Variants in CCDC88A observed in about 807,000 individuals in gnomAD.
The protein encoded by CCDC88A is girdin.
Under a neutral mutation model 234.3 loss-of-function variants are expected in CCDC88A, and 54 were observed. The observed-to-expected ratio is 0.23, with a 90% CI of 0.19 to 0.29. The LOEUF (loss-of-function observed/expected upper bound fraction) is 0.29. Among genes scored for constraint, CCDC88A ranks in the 10% least tolerant of loss-of-function variants. The probability of loss-of-function intolerance (pLI) is 1.00; values close to 1 mark genes in which losing one functional copy is unlikely to be tolerated. For synonymous variants in CCDC88A, 753 were observed against 737.8 expected, an observed-to-expected ratio of 1.02 and a Z score of -0.33; for missense variants, 1,832 against 2,123.4, an observed-to-expected ratio of 0.86 and a Z score of 2.70.
In CCDC88A at chr2:55,294,991, G is replaced by T. The variant is rs964526311; in HGVS notation, c.5551+606C>A. ...CTAGCCAAATGATATTTTGTTAACA[G>T]CAACTTTTCAAATCATATTAGAGAA... On this transcript the variant is annotated intron_variant, in intron 31 of 32. Transcript: ENST00000436346. 30 of 1,198,098 alleles carry T rather than the reference G, an allele frequency of 2.5e-5. No individual in the cohort carries two copies. In the African/African-American group the frequency reaches 4.3e-4, roughly 17 times the overall value. The allele number at this position is 1,198,098 out of a possible 1,614,324, so 74.2% of individuals were successfully genotyped here.
Position 55,328,595 on chromosome 2 carries a change from C to T in CCDC88A, c.2856-160G>A. On this transcript the variant is annotated intron_variant, in intron 16 of 32. Transcript: ENST00000436346. The surrounding 1 kb of genome is among the most constrained non-coding windows in gnomAD (Gnocchi z 4.3). ...ATCCTCTTCTTACTGCCCCATTCTC[C>T]CTTTAAAACTAATCCTGGTAATGAA... The T allele has an allele frequency of 2.2e-6, 1 of 454,324 alleles. No individual in the cohort carries two copies. Among genetic ancestry groups the T allele is most frequent in the East Asian group, 3.8e-5 (1 of 26,540 alleles). The allele number at this position is 454,324 out of a possible 1,614,324, so 28.1% of individuals were successfully genotyped here. A position where few individuals can be genotyped will look rare whatever the true frequency, so the allele number is the denominator to read the frequency against.
At chr2:55,386,429 G>C (rs2104881371) in intron 3 of CCDC88A, among the ~76,000 whole-genome samples, 1 of 54,880 alleles carries the variant, frequency 1.8e-5, no homozygotes, top group East Asian at 3.5e-4. Context: ...GTGAGACTCT[G>C]TCTCTTTTTT....
chr2:55,334,395 CT>C lies in CCDC88A; in HGVS notation c.2425del (p.Arg809AspfsTer2). On this transcript the variant is annotated frameshift_variant, in exon 15 of 33. Transcript: ENST00000436346. LOFTEE classifies it high-confidence loss of function. The surrounding 1 kb of genome is among the most constrained non-coding windows in gnomAD (Gnocchi z 6.1). Reference sequence around the variant, plus strand: ...ATTTTCTTTTTCCAGCTGTTCTAGTCTTTTGCTAGATATTTTTAGTTCTTCT... The same window carrying C: ...ATTTTCTTTTTCCAGCTGTTCTAGTCTTTGCTAGATATTTTTAGTTCTTCT... ...NLEELKISSKRLEQLEKENKS... is the reference protein window; with the variant it reads ...NLEELKISSKXLEQLEKENKS... 1 of 1,578,660 alleles carries C rather than the reference CT, an allele frequency of 6.3e-7. No individual in the cohort carries two copies. Among genetic ancestry groups the C allele is most frequent in the South Asian group, 1.2e-5 (1 of 83,846 alleles).
chr2:55,397,367 C>T (rs2903507), intron 2 of CCDC88A: 140,209 of 152,242 alleles, frequency 0.92, 64,825 homozygotes, highest in African/African-American at 0.97. Flanking sequence ...AGTGCTGGGA[C>T]AACAAGCGTA....
Position 55,384,662 on chromosome 2 carries a change from TA to T in CCDC88A, c.273+4115del, listed in dbSNP as rs1424466249. ...ATGTGTATATATACATATATATATA[TA>T]TATATTTTTTAAAGACAGAGTCTCG... On this transcript the variant is annotated intron_variant, in intron 3 of 32. Transcript: ENST00000436346. Among the ~76,000 whole-genome samples, 1,279 of 136,406 alleles carry T rather than the reference TA, an allele frequency of 9.4e-3. 296 individuals are homozygous for T. Among genetic ancestry groups the T allele is most frequent in the Non-Finnish European group, 0.011 (734 of 65,674 alleles). The allele number at this position is 136,406 out of a possible 152,430, so 89.5% of individuals were successfully genotyped here. A position where few individuals can be genotyped will look rare whatever the true frequency, so the allele number is the denominator to read the frequency against.
intron 7 of CCDC88A, chr2:55,356,379 T>C (rs1159093949): frequency 6.6e-6 from 1 of 152,022 alleles, no homozygotes; most frequent in African/African-American, 2.4e-5. Context: ...TGTAACACAG[T>C]TTCTTTATCC....
At chr2:55,336,471 T>C (rs1471070616) in intron 14 of CCDC88A, among the ~76,000 whole-genome samples, 2 of 152,046 alleles carry the variant, frequency 1.3e-5, no homozygotes, top group Admixed American at 1.3e-4. Context: ...TTAAGCACAA[T>C]GGTAGTTTAA....
At chr2:55,316,701 C>A in intron 21 of CCDC88A, among the ~76,000 whole-genome samples, 1 of 151,968 alleles carries the variant, frequency 6.6e-6, no homozygotes, top group Admixed American at 6.6e-5. Context: ...TGCTACTGAA[C>A]TTCAGCTTGG....
At chr2:55,355,466 T>TTGACACAC (rs1553413997) in intron 8 of CCDC88A, 113 bp downstream of exon 8, 1 of 815,084 alleles carries the variant, frequency 1.2e-6, no homozygotes, top group Non-Finnish European at 1.9e-6. Context: ...TTTTCTCATT[T>TTGACACAC]ACTTGTGAAA....
intron 23 of CCDC88A, 136 bp downstream of exon 23, chr2:55,312,298 G>A (rs1682443531): frequency 3.0e-6 from 2 of 671,394 alleles, no homozygotes; most frequent in Non-Finnish European, 5.0e-6. Context: ...TATTAGAATA[G>A]TGCCTGGAAT....
At chr2:55,398,172 G>A (rs541752210) in intron 2 of CCDC88A, among the ~76,000 whole-genome samples, 2 of 152,074 alleles carry the variant, frequency 1.3e-5, no homozygotes, top group South Asian at 2.1e-4. Flanking sequence ...AAATAAGTAC[G>A]TGGGCTGTGA....
At chr2:55,358,194 T>C (rs1206988503) in intron 7 of CCDC88A, among the ~76,000 whole-genome samples, 1 of 152,190 alleles carries the variant, frequency 6.6e-6, no homozygotes, top group Non-Finnish European at 1.5e-5. Context: ...TTTTCCAACA[T>C]GATCTCATCC....
In CCDC88A at chr2:55,339,458, A is replaced by G; in HGVS notation, c.1518+6T>C. 6.6e-7 allele frequency: 1 copy of G among 1,521,214 alleles called. No individual in the cohort carries two copies. Among genetic ancestry groups the G allele is most frequent in the Non-Finnish European group, 8.9e-7 (1 of 1,120,368 alleles). The allele number at this position is 1,521,214 out of a possible 1,614,324, so 94.2% of individuals were successfully genotyped here. On this transcript the variant is annotated splice_donor_region_variant and intron_variant, in intron 13 of 32. Coordinates refer to ENST00000436346, the MANE Select transcript of CCDC88A (RefSeq NM_001365480.1). ...ACATTAAAATAAACACTACATTTTA[A>G]TTTACCTTTTTACTGAGCCTTTGAT...
intron 2 of CCDC88A, among the ~76,000 whole-genome samples, chr2:55,406,763 A>C (rs76165916): frequency 1.2e-3 from 2 of 1,678 alleles, no homozygotes; most frequent in Non-Finnish European, 3.6e-3. Context: ...TGTCTCAAAT[A>C]AAAAAAAAAA....
At chr2:55,412,168 C>T (rs1363231258) in intron 2 of CCDC88A, among the ~76,000 whole-genome samples, 2 of 152,172 alleles carry the variant, frequency 1.3e-5, no homozygotes, top group African/African-American at 4.8e-5. Context: ...GTGATACATG[C>T]TAAGTACTAG....
rs911078754 is a variant in CCDC88A at position 55,335,835 on chromosome 2, C to A, written c.1657-671G>T. On this transcript the variant is annotated intron_variant, in intron 14 of 32. Transcript: ENST00000436346. This position sits in a 1 kb window ranked among gnomAD's most constrained non-coding sequence, Gnocchi z 4.5. ...TTTTGGTTCTGTATCTCTAAAGAAA[C>A]CTTCATTTTTATGGCTGGTCTGAGG... 3.3e-5 allele frequency among the ~76,000 whole-genome samples: 5 copies of A among 152,052 alleles called. No individual in the cohort carries two copies. Among genetic ancestry groups the A allele is most frequent in the Non-Finnish European group, 7.4e-5 (5 of 68,006 alleles).
chr2:55,413,554 G>A (rs1490041448), intron 2 of CCDC88A, among the ~76,000 whole-genome samples: 1 of 152,194 alleles, frequency 6.6e-6, no homozygotes, highest in African/African-American at 2.4e-5. Flanking sequence ...ACACATGGCT[G>A]TATTATTCAA....
At chr2:55,324,990 T>G (rs1684086327) in intron 17 of CCDC88A, among the ~76,000 whole-genome samples, 1 of 152,226 alleles carries the variant, frequency 6.6e-6, no homozygotes, top group African/African-American at 2.4e-5. Context: ...CCTGCTAAAT[T>G]AGTTATAACA....
intron 2 of CCDC88A, among the ~76,000 whole-genome samples, chr2:55,407,412 C>G (rs1260038404): frequency 6.6e-6 from 1 of 151,536 alleles, no homozygotes; most frequent in Non-Finnish European, 1.5e-5. Flanking sequence ...CGAGACCCGC[C>G]TGGCCAACAT....
Sources: gnomAD v4.1 joint callset for allele counts (sites outside exome capture counted in the v4.1 genomes callset) on GRCh38, gnomAD v4.1.1 for gene constraint, Gnocchi (gnomAD v3.1) non-coding constraint, MANE v1.5 for transcripts, NCBI Gene and HGNC (gene_info 2026-07-23, HGNC 2026-07-21) for gene names.